The following PPARGC1A variants were observed in gnomAD, a reference collection of about 807,000 sequenced individuals.
PPARGC1A encodes the protein peroxisome proliferator-activated receptor gamma coactivator 1-alpha.
In PPARGC1A, 25 loss-of-function variants were observed where a neutral mutation model predicts 88.7. That is an observed-to-expected ratio of 0.28 (90% CI 0.21 to 0.39). The LOEUF (loss-of-function observed/expected upper bound fraction) is 0.39. PPARGC1A is among the 10% of genes least tolerant of loss of function. The probability of loss-of-function intolerance (pLI) is 1.00; values close to 1 mark genes in which losing one functional copy is unlikely to be tolerated. For synonymous variants in PPARGC1A, 363 were observed against 355.6 expected, an observed-to-expected ratio of 1.02 and a Z score of -0.24; for missense variants, 880 against 968.7, an observed-to-expected ratio of 0.91 and a Z score of 1.22.
At chr4:24,385,234 G>A in the PPARGC1A span, among the ~76,000 whole-genome samples, 6 of 152,030 alleles carry the variant, frequency 3.9e-5, no homozygotes, top group Admixed American at 1.3e-4. Flanking sequence ...CTGGGGCACC[G>A]CTAAAGCAGT....
the PPARGC1A span, among the ~76,000 whole-genome samples, chr4:23,991,328 T>A: frequency 6.6e-6 from 1 of 152,120 alleles, no homozygotes; most frequent in African/African-American, 2.4e-5. Context: ...TACTGCTCAA[T>A]AAATATTTGT....
the PPARGC1A span, among the ~76,000 whole-genome samples, chr4:24,099,402 G>A: frequency 6.6e-6 from 1 of 152,056 alleles, no homozygotes; most frequent in Admixed American, 6.5e-5. Flanking sequence ...CTCCTAGGAG[G>A]GGTAGCCTGA....
intron 2 of PPARGC1A, among the ~76,000 whole-genome samples, chr4:23,842,159 T>G (rs1481663808): frequency 6.6e-6 from 1 of 152,148 alleles, no homozygotes; most frequent in East Asian, 1.9e-4. Context: ...TCAGCTAAAA[T>G]CTAAGGTGGG....
At chr4:24,051,375 T>A in the PPARGC1A span, among the ~76,000 whole-genome samples, 1 of 152,164 alleles carries the variant, frequency 6.6e-6, no homozygotes, top group Non-Finnish European at 1.5e-5. Flanking sequence ...AAAGCTATAT[T>A]CTATCATAAG....
the PPARGC1A span, among the ~76,000 whole-genome samples, chr4:24,472,405 G>A: frequency 6.6e-6 from 1 of 152,058 alleles, no homozygotes; most frequent in Non-Finnish European, 1.5e-5. The surrounding 1 kb of genome is among the most constrained non-coding windows in gnomAD (Gnocchi z 4.5). Flanking sequence ...AGGAGGAGCC[G>A]TAGTTGTAAA....
the PPARGC1A span, among the ~76,000 whole-genome samples, chr4:24,114,839 C>A: frequency 6.6e-6 from 1 of 152,224 alleles, no homozygotes; most frequent in Admixed American, 6.5e-5. Context: ...GGGTAAGGTG[C>A]GTGGGTAAAT....
chr4:24,403,803 T>G, the PPARGC1A span, among the ~76,000 whole-genome samples: 3 of 151,996 alleles, frequency 2.0e-5, no homozygotes, highest in Non-Finnish European at 4.4e-5. Flanking sequence ...TTTTAAAACC[T>G]TGATCATCTC....
intron 5 of PPARGC1A, among the ~76,000 whole-genome samples, chr4:23,825,604 T>A (rs1723786831): frequency 6.6e-6 from 1 of 152,144 alleles, no homozygotes; most frequent in African/African-American, 2.4e-5. Context: ...GAAATTGCAT[T>A]CAACGACTTT....
the PPARGC1A span, among the ~76,000 whole-genome samples, chr4:24,353,207 C>G: frequency 9.8e-6 from 1 of 102,182 alleles, no homozygotes; most frequent in African/African-American, 3.7e-5. Context: ...TTTTTTTTTT[C>G]AAATCCTCTT....
intron 1 of PPARGC1A, among the ~76,000 whole-genome samples, chr4:23,898,111 C>A (rs1718828780): frequency 6.6e-6 from 1 of 152,082 alleles, no homozygotes; most frequent in African/African-American, 2.4e-5. Context: ...TATGAGAAGA[C>A]CCTCCTTAAA....
the PPARGC1A span, among the ~76,000 whole-genome samples, chr4:24,136,847 G>A: frequency 1.6e-4 from 24 of 152,252 alleles, 2 homozygotes; most frequent in African/African-American, 5.8e-4. Context: ...TGGGGTCAGT[G>A]GCTCACGCCT....
the PPARGC1A span, among the ~76,000 whole-genome samples, chr4:24,139,137 C>CTT: frequency 9.0e-5 from 13 of 144,826 alleles, no homozygotes; most frequent in Non-Finnish European, 1.1e-4. Flanking sequence ...CTATCAGAAA[C>CTT]TTTTTTTTTT....
At chr4:23,982,637 A>T in the PPARGC1A span, among the ~76,000 whole-genome samples, 8 of 152,224 alleles carry the variant, frequency 5.3e-5, no homozygotes, top group African/African-American at 1.7e-4. Context: ...GTTTCTCAAC[A>T]GCCTACAAAT....
chr4:24,181,968 T>G, the PPARGC1A span, among the ~76,000 whole-genome samples: 1 of 152,220 alleles, frequency 6.6e-6, no homozygotes, highest in African/African-American at 2.4e-5. Flanking sequence ...CATATTGCAC[T>G]CAGTTCTTGG....
At chr4:24,157,155 T>C in the PPARGC1A span, among the ~76,000 whole-genome samples, 3 of 152,158 alleles carry the variant, frequency 2.0e-5, no homozygotes, top group Non-Finnish European at 4.4e-5. Flanking sequence ...ATTTCACTTT[T>C]CTGTTTCTGA....
intron 1 of PPARGC1A, among the ~76,000 whole-genome samples, chr4:23,895,964 GTGTGTGTGTGTGTGTGTA>G (rs1718529248): frequency 1.9e-5 from 1 of 53,432 alleles, no homozygotes; most frequent in Admixed American, 1.1e-4. Context: ...GTGTGTGTGT[GTGTGTGTGTGTGTGTGTA>G]TATATATATA....
the PPARGC1A span, among the ~76,000 whole-genome samples, chr4:24,205,995 A>C: frequency 6.6e-6 from 1 of 152,342 alleles, no homozygotes; most frequent in African/African-American, 2.4e-5. Context: ...TCCAGCCAAG[A>C]TCCTTTTCAT....
At chr4:24,141,742 T>C in the PPARGC1A span, among the ~76,000 whole-genome samples, 1 of 152,228 alleles carries the variant, frequency 6.6e-6, no homozygotes. Flanking sequence ...GCAAAATCTG[T>C]TGCTGCATTT....
the PPARGC1A span, among the ~76,000 whole-genome samples, chr4:24,100,377 C>T: frequency 1.3e-5 from 2 of 152,158 alleles, no homozygotes; most frequent in Admixed American, 6.6e-5. Flanking sequence ...TTGTCACTAC[C>T]TCTGGAGAAC....
Sources: allele counts gnomAD v4.1 joint callset (sites outside exome capture counted in the v4.1 genomes callset), GRCh38; gene constraint gnomAD v4.1.1; non-coding constraint Gnocchi (gnomAD v3.1); transcripts MANE v1.5; gene names NCBI Gene and HGNC (gene_info 2026-07-23, HGNC 2026-07-21).